The following AKAP6 variants were observed in gnomAD, a reference collection of about 807,000 sequenced individuals.
AKAP6 encodes A-kinase anchoring protein 6.
In AKAP6, 58 loss-of-function variants were observed where a neutral mutation model predicts 188.5. The observed-to-expected ratio is 0.31, with a 90% CI of 0.25 to 0.38. The LOEUF is 0.38. Ranked by LOEUF, AKAP6 falls within the 10% of genes least tolerant of loss-of-function variation. The pLI is 1.00. For missense variants in AKAP6, 2,710 were observed against 2,740.0 expected (o/e 0.99, Z 0.24); for synonymous variants, 989 against 998.6 (o/e 0.99, Z 0.18).
chr14:32,426,056 C>T (rs1191087514), intron 1 of AKAP6, among the ~76,000 whole-genome samples: 1 of 152,166 alleles, frequency 6.6e-6, no homozygotes, highest in African/African-American at 2.4e-5. Flanking sequence ...TTTTGATCTT[C>T]TGCATATGGC....
chr14:32,585,946 A>G (rs1312122032), intron 5 of AKAP6, among the ~76,000 whole-genome samples: 1 of 152,064 alleles, frequency 6.6e-6, no homozygotes, highest in Non-Finnish European at 1.5e-5. Context: ...TGTCTTTTTA[A>G]TGGATTAAAC....
intron 12 of AKAP6, among the ~76,000 whole-genome samples, chr14:32,788,659 G>A (rs955921028): frequency 4.9e-5 from 7 of 141,616 alleles, no homozygotes; most frequent in Admixed American, 1.4e-4. Flanking sequence ...GCAACCGGCG[G>A]ATCAGGAGAT....
chr14:32,369,544 C>T (rs1263366429), intron 1 of AKAP6, among the ~76,000 whole-genome samples: 2 of 152,172 alleles, frequency 1.3e-5, no homozygotes, highest in African/African-American at 4.8e-5. Context: ...CAGTGATCAT[C>T]CTTTTGATCC....
At chr14:32,820,835 G>T (rs997632458) in intron 12 of AKAP6, among the ~76,000 whole-genome samples, 8 of 152,130 alleles carry the variant, frequency 5.3e-5, no homozygotes, top group African/African-American at 9.7e-5. Flanking sequence ...ACAGAGGAAG[G>T]GGGGGTACAC....
chr14:32,673,798 C>T (rs1889320450), intron 7 of AKAP6, among the ~76,000 whole-genome samples: 1 of 152,096 alleles, frequency 6.6e-6, no homozygotes, highest in Non-Finnish European at 1.5e-5. Flanking sequence ...CAATTATTTA[C>T]TGAGCCCCTG....
intron 7 of AKAP6, among the ~76,000 whole-genome samples, chr14:32,673,074 A>T (rs541616798): frequency 6.6e-6 from 1 of 152,166 alleles, no homozygotes; most frequent in African/African-American, 2.4e-5. Context: ...TTCTCTGAAC[A>T]TGCCACATCC....
chr14:32,455,184 G>C (rs1361590537), intron 2 of AKAP6, among the ~76,000 whole-genome samples: 1 of 151,552 alleles, frequency 6.6e-6, no homozygotes, highest in Admixed American at 6.6e-5. Flanking sequence ...GCCTCACTAT[G>C]TTGCCCAGGC....
At position 32,459,740 on chromosome 14, in the gene AKAP6, GA is replaced by G. The variant is rs35453540; in HGVS notation, c.324+25924del. ...AAATTGTCACCGAAATTTGTCAACT[GA>G]TTTTTTTTTTTCAGAAGACAGTGGA... On this transcript the variant is annotated intron_variant, in intron 2 of 13. Transcript: ENST00000280979. 4.7e-3 allele frequency among the ~76,000 whole-genome samples: 572 copies of G among 121,330 alleles called. 6 individuals carry two copies. The highest frequency in any genetic ancestry group is 0.021 in the East Asian group (107 of 5,046). 79.6% of individuals were successfully genotyped at this position (121,330 alleles called of 152,430 possible).
At chr14:32,720,930 G>T (rs1265782744) in intron 9 of AKAP6, among the ~76,000 whole-genome samples, 1 of 152,126 alleles carries the variant, frequency 6.6e-6, no homozygotes, top group African/African-American at 2.4e-5. Context: ...TGTTTGTTTA[G>T]GTTGGGAAAT....
chr14:32,561,048 C>G (rs1204215263), intron 4 of AKAP6, among the ~76,000 whole-genome samples: 1 of 152,110 alleles, frequency 6.6e-6, no homozygotes, highest in African/African-American at 2.4e-5. Context: ...GGATATAGAA[C>G]TTAAACATTG....
intron 8 of AKAP6, among the ~76,000 whole-genome samples, chr14:32,687,988 C>T (rs1016124311): frequency 2.6e-5 from 4 of 151,972 alleles, no homozygotes; most frequent in South Asian, 2.1e-4. Flanking sequence ...ACCTAGACTT[C>T]GCTAATTTGA....
chr14:32,600,326 G>T (rs1393113775), intron 6 of AKAP6, among the ~76,000 whole-genome samples: 1 of 152,080 alleles, frequency 6.6e-6, no homozygotes, highest in African/African-American at 2.4e-5. Flanking sequence ...AAACTGTAAT[G>T]TTATTAATTT....
chr14:32,473,531 AAG>A (rs1177475532), intron 2 of AKAP6, among the ~76,000 whole-genome samples: 2 of 152,218 alleles, frequency 1.3e-5, no homozygotes, highest in African/African-American at 4.8e-5. Context: ...CCAAAGCAGA[AAG>A]AGAGAAAGGA....
At chr14:32,559,381 G>A (rs1334916989) in intron 4 of AKAP6, among the ~76,000 whole-genome samples, 1 of 152,198 alleles carries the variant, frequency 6.6e-6, no homozygotes, top group East Asian at 1.9e-4. Context: ...TTTTTAAAAA[G>A]AAGGAAGAAA....
At chr14:32,466,197 A>G (rs1267395683) in intron 2 of AKAP6, among the ~76,000 whole-genome samples, 3 of 152,222 alleles carry the variant, frequency 2.0e-5, no homozygotes, top group Non-Finnish European at 2.9e-5. Context: ...AACCAGAAAT[A>G]CTATTTGACC....
chr14:32,569,837 T>C (rs536573631), intron 4 of AKAP6, among the ~76,000 whole-genome samples: 5 of 152,298 alleles, frequency 3.3e-5, no homozygotes, highest in Non-Finnish European at 7.4e-5. Context: ...TTAGCTCTTA[T>C]TTTTTGGTAG....
At chr14:32,627,179 C>CT (rs1364362872) in intron 7 of AKAP6, among the ~76,000 whole-genome samples, 1 of 152,074 alleles carries the variant, frequency 6.6e-6, no homozygotes, top group Non-Finnish European at 1.5e-5. Flanking sequence ...GTTCATTCAT[C>CT]TTGTATCTGT....
intron 3 of AKAP6, among the ~76,000 whole-genome samples, chr14:32,540,192 ATTTTAATTTTT>A (rs1882882623): frequency 8.1e-6 from 1 of 123,414 alleles, no homozygotes; most frequent in Admixed American, 8.2e-5. Context: ...ATATATATAT[ATTTTAATTTTT>A]TATTTTTTTT....
At chr14:32,731,076 A>G (rs749947475) in intron 9 of AKAP6, among the ~76,000 whole-genome samples, 1 of 152,200 alleles carries the variant, frequency 6.6e-6, no homozygotes, top group Non-Finnish European at 1.5e-5. Context: ...ACCCTGATCA[A>G]CATTCATTAA....
Sources: allele counts gnomAD v4.1 joint callset (sites outside exome capture counted in the v4.1 genomes callset), GRCh38; gene constraint gnomAD v4.1.1; transcripts MANE v1.5; gene names NCBI Gene and HGNC (gene_info 2026-07-23, HGNC 2026-07-21).